SENP6: variants seen among roughly 807,000 people sequenced by gnomAD.
The protein encoded by SENP6 is sentrin-specific protease 6.
A neutral mutation model predicts 134.5 loss-of-function variants in SENP6; 41 were observed. The observed-to-expected ratio is 0.30, with a 90% CI of 0.24 to 0.40. The LOEUF is 0.40. Ranked by LOEUF, SENP6 falls within the 10% of genes least tolerant of loss-of-function variation. SENP6 has a pLI of 1.00. For synonymous variants in SENP6, 395 were observed against 429.8 expected (o/e 0.92, Z 1.00); for missense variants, 1,248 against 1,312.5 (o/e 0.95, Z 0.76).
At chr6:75,642,873 A>G (rs537254657) in intron 6 of SENP6, among the ~76,000 whole-genome samples, 50 of 152,330 alleles carry the variant, frequency 3.3e-4, no homozygotes, top group Middle Eastern at 6.8e-3. Flanking sequence ...TAAGTACTCA[A>G]AACTATCTCA....
At chr6:75,644,799 G>T (rs1184707242) in intron 6 of SENP6, among the ~76,000 whole-genome samples, 1 of 152,036 alleles carries the variant, frequency 6.6e-6, no homozygotes, top group Non-Finnish European at 1.5e-5. Flanking sequence ...AATTTCTAAG[G>T]CTAGAATTTA....
In SENP6 at chr6:75,666,705, CT is replaced by C; in HGVS notation, c.995-3del. 1 of 1,324,872 alleles carries C rather than the reference CT, an allele frequency of 7.5e-7. No individual in the cohort carries two copies. Among genetic ancestry groups the C allele is most frequent in the Non-Finnish European group, 1.0e-6 (1 of 991,670 alleles). The allele number at this position is 1,324,872 out of a possible 1,614,324, so 82.1% of individuals were successfully genotyped here. On this transcript the variant is annotated splice_polypyrimidine_tract_variant and splice_region_variant and intron_variant, in intron 9 of 23. Transcript: ENST00000447266. ...ATATAAATTATAAATTATTAAAATACTTTTAGTCATTTTGTCCAGTGATGAT... is the reference window on the plus strand; with the variant it reads ...ATATAAATTATAAATTATTAAAATACTTTAGTCATTTTGTCCAGTGATGAT...
chr6:75,640,138 C>T lies in SENP6; in HGVS notation c.459-546C>T, dbSNP rs369118745. On this transcript the variant is annotated intron_variant, in intron 5 of 23. Transcript: ENST00000447266. ...TACCATGGCATTAAACATGAAAGGA[C>T]AAGCTAACTCTTCTGCTATGTAGCA... is the stretch of plus-strand genomic sequence containing the variant. Among the ~76,000 whole-genome samples the T allele has an allele frequency of 3.3e-5, 5 of 152,244 alleles. No homozygotes were observed. The South Asian group carries it at 1.0e-3, about 32-fold the overall frequency.
chr6:75,689,736 C>A (rs1774106503), intron 16 of SENP6, among the ~76,000 whole-genome samples: 1 of 152,018 alleles, frequency 6.6e-6, no homozygotes, highest in Non-Finnish European at 1.5e-5. Context: ...ACATACTATA[C>A]AGGTGTATAG....
intron 9 of SENP6, 51 bp from the exon 10 acceptor site, chr6:75,666,661 A>G (rs1240439335): frequency 1.1e-6 from 1 of 908,984 alleles, no homozygotes; most frequent in Non-Finnish European, 1.5e-6. Flanking sequence ...TGAAATATAA[A>G]ATTATAACTA....
chr6:75,683,340 C>G (rs1562046031), intron 16 of SENP6, among the ~76,000 whole-genome samples: 1 of 151,914 alleles, frequency 6.6e-6, no homozygotes, highest in South Asian at 2.1e-4. Context: ...AAATTTTGTC[C>G]CATTCTGTAG....
intron 16 of SENP6, 72 bp from the exon 17 acceptor site, chr6:75,695,732 G>A: frequency 3.8e-6 from 5 of 1,311,470 alleles, no homozygotes; most frequent in Non-Finnish European, 5.2e-6. Flanking sequence ...GTGAGACTCT[G>A]TCTCAAAAAA....
intron 16 of SENP6, among the ~76,000 whole-genome samples, chr6:75,683,797 T>C (rs897835556): frequency 2.6e-5 from 4 of 152,238 alleles, no homozygotes; most frequent in East Asian, 1.9e-4. Flanking sequence ...TTGGTTACTG[T>C]AGCTTTGTAG....
chr6:75,714,982 A>G (rs2149909963), intron 23 of SENP6, among the ~76,000 whole-genome samples: 1 of 152,284 alleles, frequency 6.6e-6, no homozygotes, highest in South Asian at 2.1e-4. Flanking sequence ...GTCTTTCTAA[A>G]CTGGAGCTGG....
At chr6:75,622,779 C>T in intron 2 of SENP6, 2 of 1,288,810 alleles carry the variant, frequency 1.6e-6, no homozygotes, top group South Asian at 1.2e-5. Flanking sequence ...GGCAACAGCT[C>T]CGTTCATCAT....
chr6:75,660,894 G>A (rs768720750), intron 8 of SENP6, among the ~76,000 whole-genome samples: 4 of 152,136 alleles, frequency 2.6e-5, no homozygotes, highest in Non-Finnish European at 4.4e-5. Flanking sequence ...GCCTTCCAAA[G>A]TGCTGGGATT....
chr6:75,619,787 A>G (rs1201402819), intron 1 of SENP6, among the ~76,000 whole-genome samples: 1 of 152,058 alleles, frequency 6.6e-6, no homozygotes, highest in African/African-American at 2.4e-5. Flanking sequence ...GTTACTTTCC[A>G]TTTTTAAAAG....
chr6:75,679,964 A>T (rs902287648), intron 16 of SENP6: 1 of 152,228 alleles, frequency 6.6e-6, no homozygotes, highest in Admixed American at 6.5e-5. Context: ...TTTTGATCAG[A>T]GAAATGATAT....
chr6:75,604,557 G>A (rs760368609), intron 1 of SENP6, among the ~76,000 whole-genome samples: 1 of 150,236 alleles, frequency 6.7e-6, no homozygotes, highest in African/African-American at 2.5e-5. Context: ...GCTTGGAAAC[G>A]GGAGGCAGAG....
At chr6:75,651,495 C>T (rs1300154271) in intron 7 of SENP6, among the ~76,000 whole-genome samples, 6 of 152,090 alleles carry the variant, frequency 3.9e-5, no homozygotes, top group African/African-American at 7.2e-5. Flanking sequence ...GGACTGCAGG[C>T]GCATGCTGCC....
chr6:75,652,838 A>G (rs1214368852), intron 7 of SENP6, among the ~76,000 whole-genome samples: 2 of 152,092 alleles, frequency 1.3e-5, no homozygotes, highest in South Asian at 2.1e-4. Flanking sequence ...TCTGATCAAA[A>G]TGTTTTTCTT....
Position 75,702,556 on chromosome 6 carries a change from T to C in SENP6, c.2289-89T>C, listed in dbSNP as rs1271871604. The stretch of plus-strand genomic sequence containing the variant: ...TTTAATAAATTAATTGGCAAGAACT[T>C]TAGAAAAAAACATTTTAATTGATAT... On this transcript the variant is annotated intron_variant, in intron 18 of 23. Transcript: ENST00000447266. 11 of 1,244,288 alleles carry C rather than the reference T, an allele frequency of 8.8e-6. No homozygotes were observed. The African/African-American group carries it at 1.2e-4, about 14-fold the overall frequency. 77.1% of individuals were successfully genotyped at this position (1,244,288 alleles called of 1,614,324 possible).
At chr6:75,612,496 T>C (rs1422625328) in intron 1 of SENP6, among the ~76,000 whole-genome samples, 1 of 152,138 alleles carries the variant, frequency 6.6e-6, no homozygotes, top group Non-Finnish European at 1.5e-5. Flanking sequence ...CACAACCAGC[T>C]GATTTTTTTA....
chr6:75,668,704 C>T (rs1418991002), intron 10 of SENP6, among the ~76,000 whole-genome samples: 1 of 152,202 alleles, frequency 6.6e-6, no homozygotes, highest in Non-Finnish European at 1.5e-5. Flanking sequence ...TGCAAAAATG[C>T]TCTTTGAAGA....
Sources: gnomAD v4.1 joint callset for allele counts (sites outside exome capture counted in the v4.1 genomes callset) on GRCh38, gnomAD v4.1.1 for gene constraint, MANE v1.5 for transcripts, NCBI Gene and HGNC (gene_info 2026-07-23, HGNC 2026-07-21) for gene names.